INTS2: variants seen among roughly 807,000 people sequenced by gnomAD.
INTS2 encodes the protein KIAA1287.
A neutral mutation model predicts 139.6 loss-of-function variants in INTS2; 57 were observed. That is an observed-to-expected ratio of 0.41 (90% CI 0.33 to 0.51). The LOEUF is 0.51. Among genes scored for constraint, INTS2 ranks in the 20% least tolerant of loss-of-function variants. INTS2 has a pLI of 0.28. For synonymous variants in INTS2, 473 were observed against 493.4 expected, an observed-to-expected ratio of 0.96 and a Z score of 0.55; for missense variants, 1,196 against 1,436.7, an observed-to-expected ratio of 0.83 and a Z score of 2.71.
intron 9 of INTS2, among the ~76,000 whole-genome samples, chr17:61,902,795 A>G (rs111961857): frequency 1.1e-4 from 16 of 150,992 alleles, no homozygotes; most frequent in African/African-American, 3.7e-4. Context: ...ACTTCAACCC[A>G]GGAGTTCAAG....
Position 61,921,806 on chromosome 17 carries a change from A to G in INTS2, c.454T>C (p.Phe152Leu). Residue 152 changes from phenylalanine to leucine, a missense_variant, in exon 4 of 25, where the codon TTT becomes CTT. Around this residue, in one of 3 missense-constraint regions of INTS2, gnomAD observed 1,129 missense variants for 1,341.9 expected, o/e 0.84. Transcript: ENST00000251334. Reference protein sequence around the residue: ...MNKVSESNGEFFFKSSELFES... With the variant: ...MNKVSESNGELFFKSSELFES... ...AAAAGTTCAGAAGACTTGAAAAAAA[A>G]TTCTCCGTTGGACTCAGACACCTTA... 1 of 1,598,694 alleles carries G rather than the reference A, an allele frequency of 6.3e-7. No individual in the cohort carries two copies. Among genetic ancestry groups the G allele is most frequent in the South Asian group, 1.1e-5 (1 of 88,534 alleles).
Position 61,871,604 on chromosome 17 carries a change from A to G in INTS2, c.2778+661T>C, listed in dbSNP as rs2079089179. On this transcript the variant is annotated intron_variant, in intron 20 of 24. Transcript: ENST00000251334. This position sits in a 1 kb window ranked among gnomAD's most constrained non-coding sequence, Gnocchi z 4.9. ...CACCACTCTATCCCCAGTTCCTGGA[A>G]CAATACTTGGCACACAGTAGGTGTC... Among the ~76,000 whole-genome samples the G allele has an allele frequency of 6.6e-6, 1 of 152,182 alleles. No individual in the cohort carries two copies. The highest frequency in any genetic ancestry group is 2.4e-5 in the African/African-American group (1 of 41,444).
chr17:61,905,477 CCAT>C (rs2079452367), intron 8 of INTS2, among the ~76,000 whole-genome samples: 2 of 152,130 alleles, frequency 1.3e-5, no homozygotes. Context: ...CAGGCACACG[CCAT>C]CATTCCCAGC....
Position 61,893,852 on chromosome 17 carries a change from A to T in INTS2, c.1611T>A (p.Ser537Arg). ...AVRVPVTSNL[S>R]ANITGFLPIH... is the part of the protein sequence containing the mutation. ...TAGGCAAAAATCCAGTAATGTTGGC[A>T]CTCAGGTTGCTGGTGACAGGGACCC... Residue 537 changes from serine (S) to arginine (R), a missense_variant, in exon 13 of 25, where the codon AGT becomes AGA. This residue lies in a region of INTS2 where 1,129 missense variants were observed against 1,341.9 expected (regional missense o/e 0.84). Coordinates refer to ENST00000251334, the MANE Select transcript of INTS2 (RefSeq NM_001351695.2). The surrounding 1 kb of genome is among the most constrained non-coding windows in gnomAD (Gnocchi z 5.4). 2 of 1,581,976 alleles carry T rather than the reference A, an allele frequency of 1.3e-6. No individual in the cohort carries two copies. Among genetic ancestry groups the T allele is most frequent in the African/African-American group, 2.7e-5 (2 of 74,150 alleles).
At position 61,875,032 on chromosome 17, in the gene INTS2, C is replaced by T; in HGVS notation, c.2463G>A (p.Trp821Ter). 6.3e-7 allele frequency: 1 copy of T among 1,584,240 alleles called. No individual in the cohort carries two copies. Among genetic ancestry groups the T allele is most frequent in the Non-Finnish European group, 8.6e-7 (1 of 1,165,548 alleles). Reference protein sequence around the residue: ...VLNTVMPRRLWVMTVNALQPS... With the variant: ...VLNTVMPRRL The stretch of plus-strand genomic sequence containing the variant: ...GCTGAAGTGCATTAACCGTCATTAC[C>T]CATAGCCTGATAAGAAAATAATCAC... Residue 821 changes from tryptophan (W) to a stop codon, truncating the protein, a stop_gained, in exon 19 of 25, where the codon TGG becomes TGA. Transcript: ENST00000251334. LOFTEE classifies it high-confidence loss of function. This position sits in a 1 kb window ranked among gnomAD's most constrained non-coding sequence, Gnocchi z 4.6.
chr17:61,894,013 G>C, intron 12 of INTS2, 114 bp from the exon 13 acceptor site: 1 of 548,582 alleles, frequency 1.8e-6, no homozygotes, highest in South Asian at 4.9e-5. Context: ...CCCTAGAAAT[G>C]AATGATGAAA....
At chr17:61,915,345 T>A (rs776678106) in intron 5 of INTS2, among the ~76,000 whole-genome samples, 107 of 100,772 alleles carry the variant, frequency 1.1e-3, no homozygotes, top group African/African-American at 3.0e-3. Flanking sequence ...CTCAAAAAAA[T>A]AAATAAATAA....
At chr17:61,908,139 A>G (rs1438223015) in intron 7 of INTS2, among the ~76,000 whole-genome samples, 1 of 152,080 alleles carries the variant, frequency 6.6e-6, no homozygotes, top group African/African-American at 2.4e-5. Flanking sequence ...TCTTGGCCTG[A>G]TGCAGTGGTT....
Position 61,921,807 on chromosome 17 carries a change from T to C in INTS2, c.453A>G (p.Glu151=). 6.3e-7 allele frequency: 1 copy of C among 1,596,258 alleles called. No homozygotes were observed. The highest frequency in any genetic ancestry group is 8.5e-7 in the Non-Finnish European group (1 of 1,169,690). The change falls in exon 4 of 25, where the codon GAA becomes GAG. Residue 151 remains glutamate (E), a synonymous_variant. Coordinates refer to ENST00000251334, the MANE Select transcript of INTS2 (RefSeq NM_001351695.2). The part of the protein sequence containing the change: ...IMNKVSESNG[E]FFFKSSELFE... ...AAAGTTCAGAAGACTTGAAAAAAAA[T>C]TCTCCGTTGGACTCAGACACCTTAA...
At position 61,875,164 on chromosome 17, in the gene INTS2, T is replaced by C; in HGVS notation, c.2457-126A>G. On this transcript the variant is annotated intron_variant, in intron 18 of 24. Coordinates refer to ENST00000251334, the MANE Select transcript of INTS2 (RefSeq NM_001351695.2). The surrounding 1 kb of genome is among the most constrained non-coding windows in gnomAD (Gnocchi z 4.6). The stretch of plus-strand genomic sequence containing the variant: ...TTAGAAAATACATATGAATGAACTT[T>C]GAAAAAATTTAAGCTACAGACATCT... The C allele has an allele frequency of 1.6e-6, 1 of 625,560 alleles. No homozygotes were observed. Among genetic ancestry groups the C allele is most frequent in the Middle Eastern group, 4.5e-4 (1 of 2,238 alleles). The allele number at this position is 625,560 out of a possible 1,614,324, so 38.8% of individuals were successfully genotyped here.
At chr17:61,879,186 C>T (rs910619884) in intron 17 of INTS2, among the ~76,000 whole-genome samples, 50 of 144,826 alleles carry the variant, frequency 3.5e-4, no homozygotes, top group Non-Finnish European at 1.5e-5. Flanking sequence ...TTCCAAGGTG[C>T]TGAGATAACA....
rs565280451 is a variant in INTS2 at position 61,902,443 on chromosome 17, G to C, written c.1307+2017C>G. 1.2e-4 allele frequency among the ~76,000 whole-genome samples: 18 copies of C among 152,134 alleles called. No individual in the cohort carries two copies. In the South Asian group the frequency reaches 3.7e-3, roughly 32 times the overall value. On this transcript the variant is annotated intron_variant, in intron 9 of 24. Coordinates refer to ENST00000251334, the MANE Select transcript of INTS2 (RefSeq NM_001351695.2). ...ATCTTGTTCTACTTTTTAGAAAACA[G>C]CTTTATTGAGATGTAATATACATAC...
chr17:61,865,837 T>A lies in INTS2; in HGVS notation c.*1720A>T, dbSNP rs1400923180. The A allele has an allele frequency of 6.6e-6, 1 of 152,264 alleles. No individual in the cohort carries two copies. The highest frequency in any genetic ancestry group is 6.5e-5 in the Admixed American group (1 of 15,278). 9.4% of individuals were successfully genotyped at this position (152,264 alleles called of 1,614,324 possible). On this transcript the variant is annotated 3_prime_UTR_variant, in exon 25 of 25. Transcript: ENST00000251334. This position sits in a 1 kb window ranked among gnomAD's most constrained non-coding sequence, Gnocchi z 4.8. ...TATTTTTCACATCAAAATTACTTAATTGAACATTAAGCATCTAATAAAAAG... is the reference window on the plus strand; with the variant it reads ...TATTTTTCACATCAAAATTACTTAAATGAACATTAAGCATCTAATAAAAAG...
chr17:61,886,419 C>A (rs1361147528), intron 15 of INTS2, among the ~76,000 whole-genome samples: 1 of 152,214 alleles, frequency 6.6e-6, no homozygotes, highest in Non-Finnish European at 1.5e-5. Context: ...CCATGTCCAA[C>A]CTTTTTTTCT....
chr17:61,917,047 T>C (rs1034110846), intron 5 of INTS2, among the ~76,000 whole-genome samples: 2 of 151,956 alleles, frequency 1.3e-5, no homozygotes, highest in Non-Finnish European at 2.9e-5. Flanking sequence ...ATGCTCCATA[T>C]CACTAATCAT....
chr17:61,891,190 G>A lies in INTS2; in HGVS notation c.1875+323C>T, dbSNP rs112555775. ...GGCGCCTGCAATCCTAGCTACTCGA[G>A]AGACTGAGGCAGGAGAATCACTTGA... On this transcript the variant is annotated intron_variant, in intron 14 of 24. Coordinates refer to ENST00000251334, the MANE Select transcript of INTS2 (RefSeq NM_001351695.2). Among the ~76,000 whole-genome samples the A allele has an allele frequency of 2.9e-3, 439 of 151,882 alleles. 3 individuals carry two copies. Among genetic ancestry groups the A allele is most frequent in the African/African-American group, 1.0e-2 (414 of 41,420 alleles).
chr17:61,893,953 T>C lies in INTS2; in HGVS notation c.1564-54A>G, dbSNP rs2079321884. The C allele has an allele frequency of 7.8e-7, 1 of 1,278,948 alleles. No individual in the cohort carries two copies. The highest frequency in any genetic ancestry group is 1.1e-6 in the Non-Finnish European group (1 of 936,620). 79.2% of individuals were successfully genotyped at this position (1,278,948 alleles called of 1,614,324 possible). A position where few individuals can be genotyped will look rare whatever the true frequency, so the allele number is the denominator to read the frequency against. On this transcript the variant is annotated intron_variant, in intron 12 of 24. Transcript: ENST00000251334. The surrounding 1 kb of genome is among the most constrained non-coding windows in gnomAD (Gnocchi z 5.4). ...TAATAGAACTAAATATAAAATTATT[T>C]TGAAAGAGAGATTAGTAAGTAGACT...
intron 8 of INTS2, 109 bp from the exon 9 acceptor site, chr17:61,904,694 C>G (rs1603379747): frequency 1.1e-6 from 1 of 915,026 alleles, no homozygotes; most frequent in Admixed American, 3.1e-5. Flanking sequence ...TGGTATCTTG[C>G]TATTTATAAA....
rs2079103985 is a variant in INTS2 at position 61,873,389 on chromosome 17, A to G, written c.2583-929T>C. Among the ~76,000 whole-genome samples, 1 of 152,128 alleles carries G rather than the reference A, an allele frequency of 6.6e-6. No homozygotes were observed. Among genetic ancestry groups the G allele is most frequent in the African/African-American group, 2.4e-5 (1 of 41,420 alleles). On this transcript the variant is annotated intron_variant, in intron 19 of 24. Coordinates refer to ENST00000251334, the MANE Select transcript of INTS2 (RefSeq NM_001351695.2). The surrounding 1 kb of genome is among the most constrained non-coding windows in gnomAD (Gnocchi z 4.0). ...ATAAAAATAAATTTGAAATAAGAAC[A>G]TTAACATGAAAAAAGGTTCACAAGT...
Sources: allele counts gnomAD v4.1 joint callset (sites outside exome capture counted in the v4.1 genomes callset), GRCh38; gene constraint gnomAD v4.1.1; regional missense constraint gnomAD v4.1.1; non-coding constraint Gnocchi (gnomAD v3.1); transcripts MANE v1.5; gene names NCBI Gene and HGNC (gene_info 2026-07-23, HGNC 2026-07-21).